The following RDX variants were observed in gnomAD, a reference collection of about 807,000 sequenced individuals.
The protein encoded by RDX is deafness, autosomal recessive 24.
RDX carries 32 observed loss-of-function variants against 83.7 expected under a neutral mutation model. The observed-to-expected ratio is 0.38, with a 90% CI of 0.29 to 0.51. The LOEUF (loss-of-function observed/expected upper bound fraction) is 0.51, where lower values mean the gene tolerates loss of function less well. RDX is among the 20% of genes least tolerant of loss of function. The probability of loss-of-function intolerance (pLI) is 0.87; values close to 1 mark genes in which losing one functional copy is unlikely to be tolerated. For missense variants in RDX, 600 were observed against 689.9 expected, an observed-to-expected ratio of 0.87 and a Z score of 1.46; for synonymous variants, 229 against 222.7, an observed-to-expected ratio of 1.03 and a Z score of -0.25.
chr11:110,268,370 C>A (rs902594237), intron 3 of RDX, among the ~76,000 whole-genome samples: 4 of 150,346 alleles, frequency 2.7e-5, no homozygotes, highest in Admixed American at 1.3e-4. Flanking sequence ...AATATAAAGT[C>A]TCATACTGAT....
At chr11:110,215,051 T>A (rs7940900) in intron 14 of RDX, among the ~76,000 whole-genome samples, 7,510 of 67,022 alleles carry the variant, frequency 0.11, 209 homozygotes, top group Non-Finnish European at 0.15. Flanking sequence ...AAAAAAAAAA[T>A]ATATATATAT....
chr11:110,253,866 A>AC, intron 9 of RDX, 80 bp downstream of exon 9: 1 of 1,158,110 alleles, frequency 8.6e-7, no homozygotes, highest in Non-Finnish European at 1.3e-6. Context: ...AATTTAAGGT[A>AC]CATTTAAAAA....
rs1214332223 is a variant in RDX, at chr11:110,237,616, T to C, written c.1127A>G (p.Asp376Gly). Residue 376 changes from aspartate to glycine, a missense_variant, in exon 11 of 14, where the codon GAT becomes GGT. Asp to Gly is a moderately conservative substitution (Grantham distance 94, BLOSUM62 -1). Transcript: ENST00000645495. The part of the protein sequence containing the change: ...EEQTRKALEL[D>G]QERKRAKEEA... Reference sequence around the variant, plus strand: ...TTCTTTTGCTCGTTTTCGTTCTTGATCCAGTTCTAGAGCTTTTCGAGTCTG... The same window carrying C: ...TTCTTTTGCTCGTTTTCGTTCTTGACCCAGTTCTAGAGCTTTTCGAGTCTG... 17 of 1,614,088 alleles carry C rather than the reference T, an allele frequency of 1.1e-5. No individual in the cohort carries two copies. Among genetic ancestry groups the C allele is most frequent in the African/African-American group, 2.7e-5 (2 of 74,930 alleles).
intron 7 of RDX, among the ~76,000 whole-genome samples, chr11:110,256,997 C>T (rs920741076): frequency 6.6e-6 from 1 of 150,784 alleles, no homozygotes; most frequent in African/African-American, 2.4e-5. Context: ...GACTTGCATG[C>T]TTATGTGGTA....
At chr11:110,227,105 GGAGA>G (rs1431950648), downstream of RDX, among the ~76,000 whole-genome samples, 13 of 152,028 alleles carry the variant, frequency 8.6e-5, no homozygotes, top group African/African-American at 3.1e-4. Context: ...AAGTGAGGGA[GGAGA>G]TAGATATTCC....
chr11:110,263,854 C>G (rs569903814), intron 5 of RDX, 106 bp downstream of exon 5: 483 of 1,017,196 alleles, frequency 4.7e-4, no homozygotes, highest in Non-Finnish European at 6.6e-4. Flanking sequence ...GGTGACAGGT[C>G]CAGACCCTGT....
rs1272459526 is a variant in RDX at position 110,230,715 on chromosome 11, A to C, written c.*1154T>G. 6.6e-6 allele frequency: 1 copy of C among 152,516 alleles called. No individual in the cohort carries two copies. The highest frequency in any genetic ancestry group is 1.9e-4 in the East Asian group (1 of 5,194). 9.4% of individuals were successfully genotyped at this position (152,516 alleles called of 1,614,324 possible). A position where few individuals can be genotyped will look rare whatever the true frequency, so the allele number is the denominator to read the frequency against. On this transcript the variant is annotated 3_prime_UTR_variant, in exon 14 of 14. Transcript: ENST00000645495. ...CAATTTTAATACAAATCAGAATCCC[A>C]CAGTTTGACTCGACAAAAAGGCAGT...
intron 14 of RDX, among the ~76,000 whole-genome samples, chr11:110,224,088 T>C (rs1591124552): frequency 6.6e-6 from 1 of 151,822 alleles, no homozygotes; most frequent in Non-Finnish European, 1.5e-5. Flanking sequence ...TTGTTTAGAG[T>C]TGTCACAGCC....
At chr11:110,196,792 C>T (rs771415062) in intron 15 of RDX, among the ~76,000 whole-genome samples, 5 of 152,184 alleles carry the variant, frequency 3.3e-5, no homozygotes, top group Non-Finnish European at 7.3e-5. Flanking sequence ...ACTCTAAATA[C>T]ACCAGACTGT....
chr11:110,285,794 G>C (rs1429204650), intron 1 of RDX, among the ~76,000 whole-genome samples: 1 of 149,256 alleles, frequency 6.7e-6, no homozygotes, highest in African/African-American at 2.5e-5. Flanking sequence ...GCATCTATTA[G>C]TAGCAGAATA....
At position 110,175,482 on chromosome 11, in the gene RDX, T is replaced by C. The variant is rs570844394; in HGVS notation, c.*32-248A>G. On this transcript the variant is annotated intron_variant, in intron 15 of 15. Coordinates refer to the RDX transcript ENST00000528498. The stretch of plus-strand genomic sequence containing the variant: ...TAGCCAAACAGATTCCCTTCCTAGT[T>C]CCCCAGGAGAACTCAGTGAGGAAGA... Among the ~76,000 whole-genome samples, 4 of 152,276 alleles carry C rather than the reference T, an allele frequency of 2.6e-5. No homozygotes were observed. The East Asian group carries it at 7.7e-4, about 29-fold the overall frequency.
intron 3 of RDX, among the ~76,000 whole-genome samples, chr11:110,267,403 C>T (rs902870234): frequency 5.3e-5 from 8 of 152,014 alleles, no homozygotes; most frequent in African/African-American, 1.4e-4. Flanking sequence ...ATCCCAGTTA[C>T]TCAGGAGGCT....
chr11:110,189,583 T>C (rs911993539), intron 15 of RDX, among the ~76,000 whole-genome samples: 6 of 152,114 alleles, frequency 3.9e-5, no homozygotes, highest in African/African-American at 1.4e-4. Context: ...CAGAAAATAC[T>C]GTAAGATTGA....
At chr11:110,196,549 T>C (rs1198131242) in intron 15 of RDX, among the ~76,000 whole-genome samples, 1 of 152,236 alleles carries the variant, frequency 6.6e-6, no homozygotes, top group Admixed American at 6.5e-5. Flanking sequence ...CACAGTCACA[T>C]ACACCTTAGT....
chr11:110,282,742 G>A (rs1860813242), intron 1 of RDX, among the ~76,000 whole-genome samples: 1 of 152,186 alleles, frequency 6.6e-6, no homozygotes, highest in Non-Finnish European at 1.5e-5. Flanking sequence ...ACTTTGGGAG[G>A]CCAACGCAGG....
At chr11:110,232,139 T>G (rs763578544) in intron 13 of RDX, 106 bp from the exon 14 acceptor site, 29 of 898,690 alleles carry the variant, frequency 3.2e-5, no homozygotes, top group Non-Finnish European at 4.9e-5. Flanking sequence ...TCATTTCCAC[T>G]GTGAAACCTT....
chr11:110,177,259 G>A (rs1261624497), intron 15 of RDX, among the ~76,000 whole-genome samples: 1 of 152,224 alleles, frequency 6.6e-6, no homozygotes, highest in Non-Finnish European at 1.5e-5. Context: ...GAACTCCTGT[G>A]GGAAGTGGTG....
At chr11:110,283,089 G>A (rs1452441003) in intron 1 of RDX, among the ~76,000 whole-genome samples, 1 of 152,034 alleles carries the variant, frequency 6.6e-6, no homozygotes, top group Non-Finnish European at 1.5e-5. Flanking sequence ...AATATTAAGA[G>A]GCTCGAATAA....
intron 14 of RDX, among the ~76,000 whole-genome samples, chr11:110,209,742 C>A (rs6589120): frequency 4.3e-5 from 6 of 138,040 alleles, no homozygotes; most frequent in Admixed American, 1.4e-4. Context: ...ACACCTCACA[C>A]AGCAGGGTAC....
Sources: allele counts gnomAD v4.1 joint callset (sites outside exome capture counted in the v4.1 genomes callset), GRCh38; gene constraint gnomAD v4.1.1; transcripts MANE v1.5; gene names NCBI Gene and HGNC (gene_info 2026-07-23, HGNC 2026-07-21).